The following KCNQ1 variants were observed in gnomAD, a reference collection of about 807,000 sequenced individuals.
The protein encoded by KCNQ1 is potassium voltage-gated channel subfamily Q member 1.
KCNQ1 carries 49 observed loss-of-function variants against 72.4 expected under a neutral mutation model. The ratio of observed to expected loss-of-function variants is 0.68; its 90% confidence interval spans 0.54 to 0.86. The LOEUF (loss-of-function observed/expected upper bound fraction) is 0.86, where lower values mean the gene tolerates loss of function less well. Among genes scored for constraint, KCNQ1 ranks in the 40% least tolerant of loss-of-function variants. KCNQ1 has a pLI of 0.00. For missense variants in KCNQ1, 790 were observed against 945.1 expected (o/e 0.84, Z 2.15); for synonymous variants, 450 against 412.6 (o/e 1.09, Z -1.10).
At position 2,645,846 on chromosome 11, in the gene KCNQ1, G is replaced by A. The variant is rs1237733482; in HGVS notation, c.1394-16115G>A. The A allele has an allele frequency of 5.0e-6, 2 of 398,516 alleles. No homozygotes were observed. The highest frequency in any genetic ancestry group is 4.4e-6 in the Non-Finnish European group (1 of 226,132). 24.7% of individuals were successfully genotyped at this position (398,516 alleles called of 1,614,324 possible). A position where few individuals can be genotyped will look rare whatever the true frequency, so the allele number is the denominator to read the frequency against. ...TCCTGAAGTTGCCTGAGGATTCAGGGGATGTGTGAATTGCCTGAGGATTCA... is the reference window on the plus strand; with the variant it reads ...TCCTGAAGTTGCCTGAGGATTCAGGAGATGTGTGAATTGCCTGAGGATTCA... On this transcript the variant is annotated intron_variant, in intron 10 of 15. Transcript: ENST00000155840. This position sits in a 1 kb window ranked among gnomAD's most constrained non-coding sequence, Gnocchi z 5.8.
At position 2,838,962 on chromosome 11, in the gene KCNQ1, G is replaced by A. The variant is rs544907641; in HGVS notation, c.1795-8805G>A. On this transcript the variant is annotated intron_variant, in intron 15 of 15. Transcript: ENST00000155840. ...GCCTGCCCGACGTTCCTGCCCGCCT[G>A]GCCCCCAAACAGAGGCCGATGGGAC... 1.6e-4 allele frequency among the ~76,000 whole-genome samples: 24 copies of A among 152,328 alleles called. No individual in the cohort carries two copies. In the East Asian group the frequency reaches 4.2e-3, roughly 27 times the overall value.
chr11:2,811,474 G>A (rs775968041), intron 15 of KCNQ1, among the ~76,000 whole-genome samples: 2 of 152,242 alleles, frequency 1.3e-5, no homozygotes, highest in South Asian at 2.1e-4. Context: ...TGTCTGTGCC[G>A]CTGGAGACCT....
rs2133807586 is a variant in KCNQ1 at position 2,623,953 on chromosome 11, C to T, written c.1393+35099C>T. 2.5e-6 allele frequency: 1 copy of T among 398,618 alleles called. No individual in the cohort carries two copies. 24.7% of individuals were successfully genotyped at this position (398,618 alleles called of 1,614,324 possible). A position where few individuals can be genotyped will look rare whatever the true frequency, so the allele number is the denominator to read the frequency against. On this transcript the variant is annotated intron_variant, in intron 10 of 15. Coordinates refer to ENST00000155840, the MANE Select transcript of KCNQ1 (RefSeq NM_000218.3). The surrounding 1 kb of genome is among the most constrained non-coding windows in gnomAD (Gnocchi z 5.2). ...TAATTCTTTGAAGAACCACCAAACT[C>T]TTCTCCACCAGGGCTGCACCACTTT...
intron 10 of KCNQ1, chr11:2,632,733 T>C (rs1184427047): frequency 2.5e-6 from 1 of 398,320 alleles, no homozygotes; most frequent in African/African-American, 2.1e-5. Flanking sequence ...TTCATCCATG[T>C]TGCTGTGAAT....
chr11:2,683,722 G>A lies in KCNQ1; in HGVS notation c.1514+21641G>A, dbSNP rs1042651167. 5.5e-5 allele frequency: 22 copies of A among 398,552 alleles called. No homozygotes were observed. The East Asian group carries it at 7.1e-4, about 13-fold the overall frequency. The allele number at this position is 398,552 out of a possible 1,614,324, so 24.7% of individuals were successfully genotyped here. On this transcript the variant is annotated intron_variant, in intron 11 of 15. Coordinates refer to ENST00000155840, the MANE Select transcript of KCNQ1 (RefSeq NM_000218.3). This position sits in a 1 kb window ranked among gnomAD's most constrained non-coding sequence, Gnocchi z 4.7. ...ACTCAGGCCTTTCCTTACTCCCTCT[G>A]GTTACCTAGCTTTAGCTCTGAGGCA...
rs1448837359 is a variant in KCNQ1 at position 2,526,845 on chromosome 11, G to A, written c.387-1083G>A. On this transcript the variant is annotated intron_variant, in intron 1 of 15. Transcript: ENST00000155840. This position sits in a 1 kb window ranked among gnomAD's most constrained non-coding sequence, Gnocchi z 6.1. ...TCTCAGGGAGCGGAGGGAGCCTGGG[G>A]CACCCTATGCCAGGCAGAGGATCTA... is the stretch of plus-strand genomic sequence containing the variant. Among the ~76,000 whole-genome samples, 1 of 152,086 alleles carries A rather than the reference G, an allele frequency of 6.6e-6. No homozygotes were observed. The highest frequency in any genetic ancestry group is 1.5e-5 in the Non-Finnish European group (1 of 67,984).
Position 2,816,124 on chromosome 11 carries a change from C to T in KCNQ1, c.1795-31643C>T, listed in dbSNP as rs1847609289. ...GACAGTAGCCAGGGGCAAGACCTCA[C>T]ACGCCTCTGCCCATCCTGGGAAACT... On this transcript the variant is annotated intron_variant, in intron 15 of 15. Transcript: ENST00000155840. This position sits in a 1 kb window ranked among gnomAD's most constrained non-coding sequence, Gnocchi z 6.8. Among the ~76,000 whole-genome samples, 1 of 152,220 alleles carries T rather than the reference C, an allele frequency of 6.6e-6. No individual in the cohort carries two copies. The highest frequency in any genetic ancestry group is 6.5e-5 in the Admixed American group (1 of 15,286).
Position 2,526,642 on chromosome 11 carries a change from T to G in KCNQ1, c.387-1286T>G, listed in dbSNP as rs1589930217. ...AGCCGAGGCAGGCTGTGCTGGGAGG[T>G]AGCCTGTTTGTTGTGGGCTCTGGGG... On this transcript the variant is annotated intron_variant, in intron 1 of 15. Coordinates refer to ENST00000155840, the MANE Select transcript of KCNQ1 (RefSeq NM_000218.3). The surrounding 1 kb of genome is among the most constrained non-coding windows in gnomAD (Gnocchi z 6.1). 7.0e-6 allele frequency among the ~76,000 whole-genome samples: 1 copy of G among 143,006 alleles called. No homozygotes were observed. The highest frequency in any genetic ancestry group is 1.5e-5 in the Non-Finnish European group (1 of 66,004). 93.8% of individuals were successfully genotyped at this position (143,006 alleles called of 152,430 possible). A position where few individuals can be genotyped will look rare whatever the true frequency, so the allele number is the denominator to read the frequency against.
chr11:2,445,944 G>T (rs562617372), intron 1 of KCNQ1, among the ~76,000 whole-genome samples: 1 of 152,296 alleles, frequency 6.6e-6, no homozygotes, highest in East Asian at 1.9e-4. Context: ...GTGGACTCTG[G>T]GGCAGGGGGC....
At position 2,518,428 on chromosome 11, in the gene KCNQ1, C is replaced by G. The variant is rs548097852; in HGVS notation, c.387-9500C>G. On this transcript the variant is annotated intron_variant, in intron 1 of 15. Transcript: ENST00000155840. The stretch of plus-strand genomic sequence containing the variant: ...AGTGGGCTGCAGTTGGGGTGCAGGC[C>G]TGGTGGCCCCGGCAGGGGGACCAGC... 2.4e-4 allele frequency among the ~76,000 whole-genome samples: 37 copies of G among 152,284 alleles called. No homozygotes were observed. In the East Asian group the frequency reaches 6.8e-3, roughly 28 times the overall value.
chr11:2,532,341 G>A (rs557894863), intron 2 of KCNQ1, among the ~76,000 whole-genome samples: 11 of 152,322 alleles, frequency 7.2e-5, no homozygotes, highest in African/African-American at 2.6e-4. Context: ...GACCCAGCTT[G>A]GTATGTGCTC....
chr11:2,733,840 T>A (rs1198170781), intron 11 of KCNQ1, among the ~76,000 whole-genome samples: 3 of 36,746 alleles, frequency 8.2e-5, no homozygotes, highest in African/African-American at 2.1e-4. Context: ...TCTCTCTCTC[T>A]CTCTCTCTCT....
Position 2,515,830 on chromosome 11 carries a change from C to T in KCNQ1, c.387-12098C>T, listed in dbSNP as rs987815602. On this transcript the variant is annotated intron_variant, in intron 1 of 15. Transcript: ENST00000155840. This position sits in a 1 kb window ranked among gnomAD's most constrained non-coding sequence, Gnocchi z 4.7. ...CCCAGCAGCCCTCGGCCCTGGGGGG[C>T]TTGTGCTCTGCCGGGCCACCTGCAC... Among the ~76,000 whole-genome samples the T allele has an allele frequency of 6.6e-6, 1 of 152,048 alleles. No homozygotes were observed. Among genetic ancestry groups the T allele is most frequent in the East Asian group, 1.9e-4 (1 of 5,154 alleles).
rs890942581 is a variant in KCNQ1, at chr11:2,563,933, C to T, written c.478-6695C>T. Among the ~76,000 whole-genome samples, 2 of 152,240 alleles carry T rather than the reference C, an allele frequency of 1.3e-5. No individual in the cohort carries two copies. Among genetic ancestry groups the T allele is most frequent in the African/African-American group, 4.8e-5 (2 of 41,464 alleles). On this transcript the variant is annotated intron_variant, in intron 2 of 15. Coordinates refer to ENST00000155840, the MANE Select transcript of KCNQ1 (RefSeq NM_000218.3). The surrounding 1 kb of genome is among the most constrained non-coding windows in gnomAD (Gnocchi z 7.4). ...AGATTAAGAACTAAAGGCTCAAGGACAGCTACAGATGACCACAGCTGGAGT... is the reference window on the plus strand; with the variant it reads ...AGATTAAGAACTAAAGGCTCAAGGATAGCTACAGATGACCACAGCTGGAGT...
At chr11:2,580,750 G>A (rs184699660) in intron 6 of KCNQ1, among the ~76,000 whole-genome samples, 67 of 152,336 alleles carry the variant, frequency 4.4e-4, no homozygotes, top group Admixed American at 1.2e-3. Context: ...CACCTTGGGC[G>A]CTGGTCTGCC....
rs1208136140 is a variant in KCNQ1, at chr11:2,704,014, G to A, written c.1514+41933G>A. Among the ~76,000 whole-genome samples the A allele has an allele frequency of 6.6e-6, 1 of 152,368 alleles. No homozygotes were observed. The highest frequency in any genetic ancestry group is 1.9e-4 in the East Asian group (1 of 5,180). ...GTTAGGACCTCAGGGTTATCCCTGAGTGGCTGATGCATTGCCAGGAAGCCT... is the reference window on the plus strand; with the variant it reads ...GTTAGGACCTCAGGGTTATCCCTGAATGGCTGATGCATTGCCAGGAAGCCT... On this transcript the variant is annotated intron_variant, in intron 11 of 15. Coordinates refer to ENST00000155840, the MANE Select transcript of KCNQ1 (RefSeq NM_000218.3). This position sits in a 1 kb window ranked among gnomAD's most constrained non-coding sequence, Gnocchi z 4.3.
chr11:2,636,364 T>G (rs1349418173), intron 10 of KCNQ1: 3 of 151,856 alleles, frequency 2.0e-5, no homozygotes, highest in African/African-American at 7.2e-5. Context: ...ATCCCATCAA[T>G]ACCTAATTTA....
chr11:2,849,092 C>T lies in KCNQ1; in HGVS notation c.*1089C>T, dbSNP rs925205254. Reference sequence around the variant, plus strand: ...TCCCCTGGAAGCAGTGCCCAGGTGGCTGTGGAATAGGAACGCTATGTCCGT... The same window carrying T: ...TCCCCTGGAAGCAGTGCCCAGGTGGTTGTGGAATAGGAACGCTATGTCCGT... On this transcript the variant is annotated 3_prime_UTR_variant, in exon 16 of 16. Coordinates refer to ENST00000155840, the MANE Select transcript of KCNQ1 (RefSeq NM_000218.3). 2.2e-6 allele frequency: 1 copy of T among 453,270 alleles called. No homozygotes were observed. Among genetic ancestry groups the T allele is most frequent in the African/African-American group, 2.0e-5 (1 of 49,962 alleles). The allele number at this position is 453,270 out of a possible 1,614,324, so 28.1% of individuals were successfully genotyped here.
rs1847927978 is a variant in KCNQ1 at position 2,548,226 on chromosome 11, G to C, written c.477+20208G>C. ...ATGCGTGTTTGTCCTGATTGCACGA[G>C]TCGTGTGAGCACAGAAACGTAGGTG... On this transcript the variant is annotated intron_variant, in intron 2 of 15. Transcript: ENST00000155840. Among the ~76,000 whole-genome samples, 3 of 152,218 alleles carry C rather than the reference G, an allele frequency of 2.0e-5. No homozygotes were observed. The South Asian group carries it at 6.2e-4, about 31-fold the overall frequency.
Sources: allele counts gnomAD v4.1 joint callset (sites outside exome capture counted in the v4.1 genomes callset), GRCh38; gene constraint gnomAD v4.1.1; non-coding constraint Gnocchi (gnomAD v3.1); transcripts MANE v1.5; gene names NCBI Gene and HGNC (gene_info 2026-07-23, HGNC 2026-07-21).